The following NLRP8 variants were observed in gnomAD, a reference collection of about 807,000 sequenced individuals.
NLRP8 encodes NACHT, LRR and PYD domains-containing protein 8.
A neutral mutation model predicts 88.7 loss-of-function variants in NLRP8; 86 were observed. The observed-to-expected ratio is 0.97, with a 90% CI of 0.81 to 1.16. The LOEUF (loss-of-function observed/expected upper bound fraction) is 1.16, where lower values mean the gene tolerates loss of function less well. Among genes scored for constraint, NLRP8 ranks in the 50% most tolerant of loss-of-function variants. The pLI is 0.00. For missense variants in NLRP8, 1,342 were observed against 1,286.5 expected (o/e 1.04, Z -0.66); for synonymous variants, 504 against 494.6 (o/e 1.02, Z -0.25).
intron 6 of NLRP8, 139 bp from the exon 7 acceptor site, chr19:55,973,513 T>C: frequency 1.5e-6 from 1 of 662,646 alleles, no homozygotes; most frequent in Non-Finnish European, 2.4e-6. Context: ...CCTTGAAAGC[T>C]TGGAAGTCCT....
At chr19:55,952,939 T>TA (rs1372876031) in intron 2 of NLRP8, among the ~76,000 whole-genome samples, 1 of 151,524 alleles carries the variant, frequency 6.6e-6, no homozygotes, top group Non-Finnish European at 1.5e-5. Context: ...AATAATAAAA[T>TA]AAAAAAACAG....
Position 55,970,684 on chromosome 19 carries a change from T to C in NLRP8, c.2522T>C (p.Leu841Pro). The change falls in exon 6 of 10, where the codon CTG becomes CCG. Residue 841 changes from leucine (L) to proline (P), a missense_variant. Leu to Pro is a moderately conservative substitution (Grantham distance 98). Transcript: ENST00000291971. ...GCGTATTACCTGTCTGTGGCCCAGC[T>C]GGAGAGGCTGTCGTAAGTCTCCTTT... The C allele has an allele frequency of 6.2e-7, 1 of 1,614,124 alleles. No homozygotes were observed. Among genetic ancestry groups the C allele is most frequent in the Non-Finnish European group, 8.5e-7 (1 of 1,179,990 alleles).
rs1980706092 is a variant in NLRP8 at position 55,984,363 on chromosome 19, T to C, written c.3048-3451T>C. On this transcript the variant is annotated intron_variant, in intron 9 of 9. Coordinates refer to ENST00000291971, the MANE Select transcript of NLRP8 (RefSeq NM_176811.2). Reference sequence around the variant, plus strand: ...AATAATCTCAAATAGGAATAAACAATAACAGTTGTGGCCGGGCGCAGTGGC... The same window carrying C: ...AATAATCTCAAATAGGAATAAACAACAACAGTTGTGGCCGGGCGCAGTGGC... 2.0e-5 allele frequency among the ~76,000 whole-genome samples: 3 copies of C among 152,204 alleles called. No homozygotes were observed. The South Asian group carries it at 6.2e-4, about 32-fold the overall frequency.
intron 1 of NLRP8, 111 bp from the exon 2 acceptor site, chr19:55,952,427 T>C (rs1979134720): frequency 3.8e-6 from 3 of 790,510 alleles, no homozygotes; most frequent in Non-Finnish European, 2.2e-6. Context: ...AGGATGAGAC[T>C]CTGAAGCCAT....
intron 1 of NLRP8, among the ~76,000 whole-genome samples, chr19:55,948,970 A>T (rs1217785454): frequency 6.6e-6 from 1 of 152,188 alleles, no homozygotes; most frequent in Non-Finnish European, 1.5e-5. Flanking sequence ...ACTGGAGGAT[A>T]TTGTAATCCA....
At chr19:55,962,918 A>G (rs1979678105) in intron 4 of NLRP8, among the ~76,000 whole-genome samples, 1 of 152,128 alleles carries the variant, frequency 6.6e-6, no homozygotes, top group Non-Finnish European at 1.5e-5. Context: ...TGTGGTGGTT[A>G]CTCTCTGGAG....
chr19:55,958,722 T>C (rs904217215), intron 3 of NLRP8, among the ~76,000 whole-genome samples: 1 of 152,310 alleles, frequency 6.6e-6, no homozygotes, highest in Non-Finnish European at 1.5e-5. Context: ...TATTGTCTTA[T>C]TATTTTTTGT....
intron 3 of NLRP8, among the ~76,000 whole-genome samples, chr19:55,956,980 A>G (rs1005153558): frequency 1.3e-5 from 2 of 151,958 alleles, no homozygotes; most frequent in Admixed American, 6.6e-5. Flanking sequence ...TTTTGGAGAG[A>G]TGAGGTTTCC....
At chr19:55,965,581 C>T (rs748853596) in intron 4 of NLRP8, among the ~76,000 whole-genome samples, 1 of 152,040 alleles carries the variant, frequency 6.6e-6, no homozygotes, top group Non-Finnish European at 1.5e-5. Flanking sequence ...AATAGGATGA[C>T]GTTCCCTTTG....
intron 3 of NLRP8, among the ~76,000 whole-genome samples, chr19:55,957,682 TA>T (rs1464768413): frequency 3.7e-4 from 1 of 2,670 alleles, no homozygotes; most frequent in Non-Finnish European, 1.9e-3. Context: ...ATTATATATA[TA>T]TATATATATA....
At chr19:55,957,109 G>A (rs1207909877) in intron 3 of NLRP8, among the ~76,000 whole-genome samples, 1 of 152,138 alleles carries the variant, frequency 6.6e-6, no homozygotes, top group African/African-American at 2.4e-5. Context: ...CTACTTTTGT[G>A]TATCAGAAGC....
chr19:55,981,636 A>T (rs1262152232), intron 9 of NLRP8, among the ~76,000 whole-genome samples: 2 of 152,196 alleles, frequency 1.3e-5, no homozygotes, highest in Non-Finnish European at 2.9e-5. Context: ...GTGTCTGGGG[A>T]AAGTGTGCAC....
At chr19:55,980,696 A>T (rs1270373688) in intron 9 of NLRP8, among the ~76,000 whole-genome samples, 1 of 152,170 alleles carries the variant, frequency 6.6e-6, no homozygotes, top group African/African-American at 2.4e-5. Context: ...TGGCAGAGAG[A>T]GATGACTGAC....
intron 5 of NLRP8, among the ~76,000 whole-genome samples, chr19:55,970,284 T>C (rs1269779811): frequency 6.6e-6 from 1 of 152,206 alleles, no homozygotes; most frequent in Non-Finnish European, 1.5e-5. Context: ...AATTTGTATT[T>C]CAAGGAGCTG....
chr19:55,968,655 G>A (rs144639232), intron 5 of NLRP8, among the ~76,000 whole-genome samples: 10,151 of 151,768 alleles, frequency 0.067, 826 homozygotes, highest in East Asian at 0.47. Flanking sequence ...CAGGAGAATC[G>A]CTTGAATCCA....
At chr19:55,954,265 C>T (rs1175235144) in intron 2 of NLRP8, among the ~76,000 whole-genome samples, 3 of 152,164 alleles carry the variant, frequency 2.0e-5, no homozygotes, top group Non-Finnish European at 2.9e-5. Flanking sequence ...GCTTTACGCC[C>T]GCCATACTTC....
At chr19:55,958,599 G>C (rs563524623) in intron 3 of NLRP8, among the ~76,000 whole-genome samples, 1 of 152,254 alleles carries the variant, frequency 6.6e-6, no homozygotes, top group South Asian at 2.1e-4. Flanking sequence ...ACACTGCCGC[G>C]GCAGGACTGA....
In NLRP8 at chr19:55,955,686, C is replaced by T. The variant is rs41391053; in HGVS notation, c.1628C>T (p.Ala543Val). 8,349 of 1,614,108 alleles carry T rather than the reference C, an allele frequency of 5.2e-3. 216 individuals are homozygous for T. In the African/African-American group the frequency reaches 0.065, roughly 13 times the overall value. ...CACGTGAATATCCAGCGCCTGATAG[C>T]GAGTCCCAGAGGAAGCAAAAGCTAT... is the stretch of plus-strand genomic sequence containing the variant. The change falls in exon 3 of 10, where the codon GCG (alanine) becomes GTG (valine). Residue 543 changes from alanine to valine, a missense_variant. By Grantham distance (64) the Ala-to-Val change is moderately conservative. Transcript: ENST00000291971.
In NLRP8 at chr19:55,948,287, G is replaced by T; in HGVS notation, c.367+18G>T. 6.3e-7 allele frequency: 1 copy of T among 1,589,466 alleles called. No individual in the cohort carries two copies. The highest frequency in any genetic ancestry group is 1.1e-5 in the South Asian group (1 of 88,584). ...GATAAATGGTGAGTGTTGATCTGGT[G>T]GATAAAGTGGGGGTGGGCTTGGCTG... On this transcript the variant is annotated intron_variant, in intron 1 of 9. Coordinates refer to ENST00000291971, the MANE Select transcript of NLRP8 (RefSeq NM_176811.2).
Sources: gnomAD v4.1 joint callset for allele counts (sites outside exome capture counted in the v4.1 genomes callset) on GRCh38, gnomAD v4.1.1 for gene constraint, MANE v1.5 for transcripts, NCBI Gene and HGNC (gene_info 2026-07-23, HGNC 2026-07-21) for gene names.